BTAF1: variants seen among roughly 807,000 people sequenced by gnomAD.
BTAF1 encodes TATA-binding protein-associated factor 172.
BTAF1 carries 38 observed loss-of-function variants against 227.1 expected under a neutral mutation model. That is an observed-to-expected ratio of 0.17 (90% CI 0.13 to 0.22). The LOEUF (loss-of-function observed/expected upper bound fraction) is 0.22. BTAF1 is among the 10% of genes least tolerant of loss of function. The pLI, the probability that BTAF1 is intolerant of heterozygous loss-of-function variation, is 1.00. For synonymous variants in BTAF1, 742 were observed against 751.9 expected (o/e 0.99, Z 0.21); for missense variants, 1,598 against 2,204.0 (o/e 0.73, Z 5.51).
Position 91,992,269 on chromosome 10 carries a change from C to G in BTAF1, c.3005C>G (p.Pro1002Arg), listed in dbSNP as rs1848841571. Reference sequence around the variant, plus strand: ...GTAAAAGCTCAAATAGCAGATCTTCCTGCAGGAAGTAGTGGAAATATTCTT... The same window carrying G: ...GTAAAAGCTCAAATAGCAGATCTTCGTGCAGGAAGTAGTGGAAATATTCTT... ...KAVKAQIADLPAGSSGNILVE... is the reference protein window; with the variant it reads ...KAVKAQIADLRAGSSGNILVE... Residue 1002 changes from proline to arginine, a missense_variant, in exon 21 of 38, where the codon CCT becomes CGT. Pro to Arg is a moderately radical substitution (Grantham distance 103). Around this residue, in one of 10 missense-constraint regions of BTAF1, gnomAD observed 425 missense variants for 491.2 expected, o/e 0.87. Transcript: ENST00000265990. 6.2e-7 allele frequency: 1 copy of G among 1,613,128 alleles called. No homozygotes were observed. Among genetic ancestry groups the G allele is most frequent in the Non-Finnish European group, 8.5e-7 (1 of 1,179,788 alleles).
chr10:92,016,553 A>G, intron 33 of BTAF1, 88 bp downstream of exon 33: 2 of 1,154,014 alleles, frequency 1.7e-6, no homozygotes, highest in Non-Finnish European at 1.2e-6. Flanking sequence ...ATCTCGGCTC[A>G]CTGCAACCTC....
intron 13 of BTAF1, 90 bp downstream of exon 13, chr10:91,964,291 T>C (rs924783203): frequency 8.3e-5 from 117 of 1,403,864 alleles, no homozygotes; most frequent in Non-Finnish European, 1.1e-4. Flanking sequence ...TTTTAGCACC[T>C]TTAAGAATAA....
intron 14 of BTAF1, among the ~76,000 whole-genome samples, chr10:91,978,364 C>A (rs567848872): frequency 2.6e-4 from 40 of 151,850 alleles, no homozygotes; most frequent in African/African-American, 9.7e-4. Flanking sequence ...GGTTGAGGGT[C>A]GGGGAACAGA....
chr10:91,929,865 T>C lies in BTAF1; in HGVS notation c.14+5775T>C, dbSNP rs1401700372. Among the ~76,000 whole-genome samples the C allele has an allele frequency of 2.0e-5, 3 of 152,198 alleles. No individual in the cohort carries two copies. The East Asian group carries it at 5.8e-4, about 29-fold the overall frequency. ...CACCTCACCTGGCCCTTATTGTTAATTTCAATCCATTATAAGATGACAGAA... is the reference window on the plus strand; with the variant it reads ...CACCTCACCTGGCCCTTATTGTTAACTTCAATCCATTATAAGATGACAGAA... On this transcript the variant is annotated intron_variant, in intron 1 of 37. Transcript: ENST00000265990.
At chr10:92,000,261 C>T (rs994643915) in intron 25 of BTAF1, among the ~76,000 whole-genome samples, 2 of 152,170 alleles carry the variant, frequency 1.3e-5, no homozygotes, top group African/African-American at 4.8e-5. Context: ...CACCTTTAAA[C>T]CAAATGGGTT....
chr10:91,967,981 C>T (rs990049465), intron 14 of BTAF1, among the ~76,000 whole-genome samples: 3 of 152,070 alleles, frequency 2.0e-5, no homozygotes, highest in African/African-American at 7.2e-5. Context: ...CACATAGTTC[C>T]CCTTATTGTT....
chr10:92,026,644 G>A lies in BTAF1; in HGVS notation c.5128G>A (p.Gly1710Ser). ...DVLLLTTHVG[G>S]LGLNLTGADT... ...TCTGTTACTTACCACTCACGTTGGT[G>A]GCCTGGGACTTAATTTGACAGGCGC... Residue 1710 changes from glycine to serine, a missense_variant, in exon 36 of 38, where the codon GGC becomes AGC. Gly to Ser is a moderately conservative substitution (Grantham distance 56). Around this residue, in one of 10 missense-constraint regions of BTAF1, gnomAD observed 205 missense variants for 244.5 expected, o/e 0.84. Coordinates refer to ENST00000265990, the MANE Select transcript of BTAF1 (RefSeq NM_003972.3). 2 of 1,613,830 alleles carry A rather than the reference G, an allele frequency of 1.2e-6. No homozygotes were observed. Among genetic ancestry groups the A allele is most frequent in the Admixed American group, 1.7e-5 (1 of 59,990 alleles).
At chr10:91,964,268 A>G in intron 13 of BTAF1, 67 bp downstream of exon 13, 1 of 1,506,844 alleles carries the variant, frequency 6.6e-7, no homozygotes, top group Non-Finnish European at 9.0e-7. Flanking sequence ...AATTCAGCCT[A>G]AACATAACAA....
intron 14 of BTAF1, among the ~76,000 whole-genome samples, chr10:91,977,490 G>C (rs536439524): frequency 6.6e-6 from 1 of 152,070 alleles, no homozygotes; most frequent in East Asian, 1.9e-4. Context: ...TTCACCTACC[G>C]AAGACATCTT....
At chr10:91,968,050 A>G (rs927937385) in intron 14 of BTAF1, among the ~76,000 whole-genome samples, 1 of 152,224 alleles carries the variant, frequency 6.6e-6, no homozygotes, top group Non-Finnish European at 1.5e-5. Flanking sequence ...TTGATACATT[A>G]AAGTCCACAC....
At chr10:91,927,856 A>G (rs1369091070) in intron 1 of BTAF1, among the ~76,000 whole-genome samples, 1 of 152,156 alleles carries the variant, frequency 6.6e-6, no homozygotes, top group Non-Finnish European at 1.5e-5. Flanking sequence ...CAGCATCCGC[A>G]TCTTAGGGAC....
At chr10:92,008,338 G>T (rs925578675) in intron 26 of BTAF1, 63 bp downstream of exon 26, 2 of 1,328,472 alleles carry the variant, frequency 1.5e-6, no homozygotes, top group East Asian at 5.4e-5. Flanking sequence ...TGGGTTTGTT[G>T]GGGGGGGCTT....
chr10:91,941,497 A>G (rs1309582942), intron 3 of BTAF1, among the ~76,000 whole-genome samples: 1 of 152,256 alleles, frequency 6.6e-6, no homozygotes, highest in African/African-American at 2.4e-5. Context: ...AGGAAGGAAT[A>G]CAGAACATTT....
intron 28 of BTAF1, among the ~76,000 whole-genome samples, chr10:92,010,258 G>A (rs1384084740): frequency 1.3e-5 from 2 of 152,130 alleles, no homozygotes; most frequent in Non-Finnish European, 2.9e-5. Flanking sequence ...AATACAGTCA[G>A]CTCAAAAACT....
At chr10:91,952,479 A>G (rs1012555699) in intron 5 of BTAF1, among the ~76,000 whole-genome samples, 1 of 152,134 alleles carries the variant, frequency 6.6e-6, no homozygotes, top group African/African-American at 2.4e-5. Flanking sequence ...GTACTCTTTT[A>G]CCTGACCCCC....
intron 20 of BTAF1, among the ~76,000 whole-genome samples, chr10:91,991,200 C>T (rs1031634755): frequency 1.1e-4 from 17 of 148,228 alleles, no homozygotes; most frequent in East Asian, 4.1e-4. Context: ...GAGCCGAGAT[C>T]GCACTGCTGC....
chr10:91,996,367 A>G lies in BTAF1; in HGVS notation c.3310-2A>G. 1 of 1,612,896 alleles carries G rather than the reference A, an allele frequency of 6.2e-7. No individual in the cohort carries two copies. The highest frequency in any genetic ancestry group is 8.5e-7 in the Non-Finnish European group (1 of 1,179,278). ...TAATTGCCATTAACTTTTTGTTTTT[A>G]GTTGGTCCAGCATTTGCCACATCTT... is the stretch of plus-strand genomic sequence containing the variant. On this transcript the variant is annotated splice_acceptor_variant, in intron 23 of 37. Transcript: ENST00000265990. LOFTEE classifies it high-confidence loss of function.
intron 4 of BTAF1, among the ~76,000 whole-genome samples, chr10:91,948,850 A>G (rs572525369): frequency 5.9e-5 from 9 of 152,108 alleles, no homozygotes; most frequent in South Asian, 2.1e-4. Context: ...GGCTGAAGCA[A>G]TCCTCCTGCC....
intron 19 of BTAF1, among the ~76,000 whole-genome samples, 174 bp from the exon 20 acceptor site, chr10:91,988,980 A>G (rs1479964612): frequency 1.3e-5 from 2 of 152,222 alleles, no homozygotes; most frequent in Non-Finnish European, 2.9e-5. Flanking sequence ...TAGTCAGATT[A>G]AAATAAAATT....
Sources: allele counts gnomAD v4.1 joint callset (sites outside exome capture counted in the v4.1 genomes callset), GRCh38; gene constraint gnomAD v4.1.1; regional missense constraint gnomAD v4.1.1; transcripts MANE v1.5; gene names NCBI Gene and HGNC (gene_info 2026-07-23, HGNC 2026-07-21).